The following ZNF536 variants were observed in gnomAD, a reference collection of about 807,000 sequenced individuals.
ZNF536 encodes the protein zinc finger protein 536.
ZNF536 carries 13 observed loss-of-function variants against 84.5 expected under a neutral mutation model. The ratio of observed to expected loss-of-function variants is 0.15; its 90% confidence interval spans 0.10 to 0.24. The LOEUF is 0.24. Ranked by LOEUF, ZNF536 falls within the 10% of genes least tolerant of loss-of-function variation. ZNF536 has a pLI of 1.00. For missense variants in ZNF536, 1,536 were observed against 1,747.5 expected (o/e 0.88, Z 2.16); for synonymous variants, 811 against 742.5 (o/e 1.09, Z -1.50).
At chr19:30,702,618 A>G (rs1213565378) in intron 1 of ZNF536, among the ~76,000 whole-genome samples, 1 of 152,018 alleles carries the variant, frequency 6.6e-6, no homozygotes, top group Non-Finnish European at 1.5e-5. Flanking sequence ...TTCCCGGTGG[A>G]TCCTGTGTGC....
intron 2 of ZNF536, among the ~76,000 whole-genome samples, chr19:30,521,376 G>T (rs934087569): frequency 6.6e-6 from 1 of 152,184 alleles, no homozygotes; most frequent in Non-Finnish European, 1.5e-5. Flanking sequence ...CTTCTGGGGG[G>T]CTTGTTGGAG....
chr19:30,687,001 C>T (rs899244935), intron 1 of ZNF536, among the ~76,000 whole-genome samples: 1 of 152,196 alleles, frequency 6.6e-6, no homozygotes. Context: ...CCTCCACTGA[C>T]TTTTGAGAAT....
chr19:30,312,453 G>A (rs1488268268), intron 2 of ZNF536, among the ~76,000 whole-genome samples: 2 of 152,176 alleles, frequency 1.3e-5, no homozygotes, highest in Non-Finnish European at 2.9e-5. Context: ...GGCTTCCAAA[G>A]CAACTTCCAA....
chr19:30,558,394 G>A (rs1247547647), downstream of ZNF536, among the ~76,000 whole-genome samples: 1 of 152,210 alleles, frequency 6.6e-6, no homozygotes, highest in Non-Finnish European at 1.5e-5. Context: ...TGTGGCTGGG[G>A]TGGTGGGGGT....
chr19:30,571,173 C>T (rs2046533145), intron 1 of ZNF536, among the ~76,000 whole-genome samples: 1 of 152,048 alleles, frequency 6.6e-6, no homozygotes, highest in South Asian at 2.1e-4. Flanking sequence ...TGTGGGTACT[C>T]TTCTGACAAA....
intron 4 of ZNF536, among the ~76,000 whole-genome samples, chr19:30,551,378 C>T (rs1174523492): frequency 6.6e-6 from 1 of 152,186 alleles, no homozygotes; most frequent in African/African-American, 2.4e-5. Flanking sequence ...AATGGGAAGC[C>T]AACGTCAGGG....
intron 1 of ZNF536, among the ~76,000 whole-genome samples, chr19:30,388,732 C>T (rs1466984780): frequency 2.0e-5 from 3 of 152,188 alleles, no homozygotes; most frequent in Admixed American, 6.5e-5. Context: ...GAAACAAATG[C>T]TATGATTTTC....
intron 2 of ZNF536, among the ~76,000 whole-genome samples, chr19:30,335,424 G>GCATGT (rs2146458433): frequency 1.3e-5 from 2 of 152,278 alleles, no homozygotes; most frequent in Admixed American, 1.3e-4. Context: ...TGTCTCACGA[G>GCATGT]CATGTCATCT....
chr19:30,666,765 C>T (rs2050335879), intron 1 of ZNF536, among the ~76,000 whole-genome samples: 3 of 150,842 alleles, frequency 2.0e-5, no homozygotes, highest in South Asian at 4.2e-4. Flanking sequence ...TATAAATATA[C>T]ACACAAAATA....
chr19:30,292,702 G>A (rs2045882141), intron 2 of ZNF536, among the ~76,000 whole-genome samples: 2 of 152,192 alleles, frequency 1.3e-5, no homozygotes. Flanking sequence ...ATACAAAGAT[G>A]TGATGTTGTC....
chr19:30,380,383 C>A lies in ZNF536; in HGVS notation c.-3+7827C>A, dbSNP rs369698923. Among the ~76,000 whole-genome samples, 9 of 152,248 alleles carry A rather than the reference C, an allele frequency of 5.9e-5. No individual in the cohort carries two copies. The East Asian group carries it at 1.5e-3, about 26-fold the overall frequency. ...GTGTCAGTGTTGGAGACGGGCCACC[C>A]TGCAGTGCATGGCCCAGACCATGCT... On this transcript the variant is annotated intron_variant, in intron 1 of 4. Transcript: ENST00000355537.
At chr19:30,637,580 T>C (rs2049113232) in intron 1 of ZNF536, among the ~76,000 whole-genome samples, 1 of 152,252 alleles carries the variant, frequency 6.6e-6, no homozygotes, top group South Asian at 2.1e-4. Flanking sequence ...ATTCATCCTT[T>C]ACGCTTTGTG....
At chr19:30,339,869 A>G (rs2047508343) in intron 2 of ZNF536, among the ~76,000 whole-genome samples, 2 of 152,080 alleles carry the variant, frequency 1.3e-5, no homozygotes, top group Admixed American at 6.5e-5. Context: ...CTCCTCTGGA[A>G]TCTCCAGCCC....
intron 2 of ZNF536, among the ~76,000 whole-genome samples, chr19:30,337,080 G>C (rs760560673): frequency 8.5e-5 from 13 of 152,126 alleles, no homozygotes; most frequent in Non-Finnish European, 1.3e-4. Flanking sequence ...TTCCTTCTTG[G>C]TGGTGGTCAG....
At position 30,467,061 on chromosome 19, in the gene ZNF536, G is replaced by A. The variant is rs186105930; in HGVS notation, c.2170+21329G>A. ...TCACCATGTTGGCCAGGCTGGTCTC[G>A]AACTCCTGACCTCGTGATCCTCCGC... is the stretch of plus-strand genomic sequence containing the variant. On this transcript the variant is annotated intron_variant, in intron 2 of 4. Coordinates refer to ENST00000355537, the MANE Select transcript of ZNF536 (RefSeq NM_014717.3). Among the ~76,000 whole-genome samples the A allele has an allele frequency of 2.1e-3, 312 of 152,186 alleles. 1 individual carries two copies. The highest frequency in any genetic ancestry group is 3.9e-3 in the African/African-American group (161 of 41,532).
intron 1 of ZNF536, among the ~76,000 whole-genome samples, chr19:30,606,258 A>T (rs1386318877): frequency 1.1e-3 from 8 of 6,976 alleles, no homozygotes; most frequent in African/African-American, 2.6e-3. Flanking sequence ...AAAATAAATA[A>T]AATAAAATAA....
intron 1 of ZNF536, among the ~76,000 whole-genome samples, chr19:30,632,815 A>G (rs948120262): frequency 6.6e-6 from 1 of 152,232 alleles, no homozygotes; most frequent in African/African-American, 2.4e-5. Context: ...CTTGAGAGAC[A>G]CAGAGAAATT....
intron 1 of ZNF536, among the ~76,000 whole-genome samples, chr19:30,280,510 G>A (rs548660960): frequency 2.6e-5 from 4 of 152,326 alleles, no homozygotes; most frequent in East Asian, 1.9e-4. Flanking sequence ...GCATGTGCCC[G>A]GGGTTTGCTG....
intron 2 of ZNF536, among the ~76,000 whole-genome samples, chr19:30,446,375 C>G (rs2052347974): frequency 6.6e-6 from 1 of 151,916 alleles, no homozygotes; most frequent in African/African-American, 2.4e-5. Context: ...TTGTCCAACC[C>G]CATTTCACCG....
Sources: gnomAD v4.1 joint callset for allele counts (sites outside exome capture counted in the v4.1 genomes callset) on GRCh38, gnomAD v4.1.1 for gene constraint, MANE v1.5 for transcripts, NCBI Gene and HGNC (gene_info 2026-07-23, HGNC 2026-07-21) for gene names.